The following PTPRD variants were observed in gnomAD, a reference collection of about 807,000 sequenced individuals.
The protein encoded by PTPRD is protein tyrosine phosphatase receptor type D.
PTPRD carries 34 observed loss-of-function variants against 214.5 expected under a neutral mutation model. That is an observed-to-expected ratio of 0.16 (90% CI 0.12 to 0.21). The LOEUF (loss-of-function observed/expected upper bound fraction) is 0.21, where lower values mean the gene tolerates loss of function less well. Ranked by LOEUF, PTPRD falls within the 10% of genes least tolerant of loss-of-function variation. The probability of loss-of-function intolerance (pLI) is 1.00; values close to 1 mark genes in which losing one functional copy is unlikely to be tolerated. For missense variants in PTPRD, 2,545 were observed against 2,398.7 expected (o/e 1.06, Z -1.27); for synonymous variants, 1,128 against 845.7 (o/e 1.33, Z -5.79).
At chr9:9,261,238 T>A (rs2099979981) in intron 9 of PTPRD, among the ~76,000 whole-genome samples, 1 of 151,898 alleles carries the variant, frequency 6.6e-6, no homozygotes, top group Admixed American at 6.6e-5. Context: ...AAATGAAGTG[T>A]CAACTTATCC....
chr9:9,522,303 G>C (rs531659603), intron 8 of PTPRD, among the ~76,000 whole-genome samples: 1 of 151,986 alleles, frequency 6.6e-6, no homozygotes, highest in South Asian at 2.1e-4. Context: ...ATTACCTAAA[G>C]GTAAAGTTTC....
chr9:9,989,045 A>AAC (rs2095822162), intron 4 of PTPRD, among the ~76,000 whole-genome samples: 2 of 148,288 alleles, frequency 1.3e-5, no homozygotes, highest in Non-Finnish European at 3.0e-5. Flanking sequence ...AAAAAAAAAA[A>AAC]CCACAGACTT....
At chr9:10,089,612 T>C (rs1438037656) in intron 3 of PTPRD, among the ~76,000 whole-genome samples, 1 of 151,622 alleles carries the variant, frequency 6.6e-6, no homozygotes, top group Non-Finnish European at 1.5e-5. Flanking sequence ...TACCTGCATA[T>C]TGCTAAAAGT....
chr9:10,546,317 A>C (rs2060164171), intron 2 of PTPRD, among the ~76,000 whole-genome samples: 6 of 151,954 alleles, frequency 3.9e-5, no homozygotes, highest in Admixed American at 3.9e-4. Context: ...CATTTTCCTC[A>C]TGTCTCCATG....
chr9:8,892,520 T>C (rs549514424), intron 11 of PTPRD, among the ~76,000 whole-genome samples: 2,403 of 151,138 alleles, frequency 0.016, 64 homozygotes, highest in African/African-American at 0.055. Context: ...TGAATATATA[T>C]ATATGTGTGT....
intron 11 of PTPRD, among the ~76,000 whole-genome samples, chr9:8,833,994 C>A (rs2097357861): frequency 1.3e-5 from 2 of 151,134 alleles, no homozygotes. Context: ...TAGTAGAATT[C>A]TAAATTTTTA....
rs117730019 is a variant in PTPRD, at chr9:8,616,069, G to A, written c.352+17248C>T. Among the ~76,000 whole-genome samples, 1,229 of 152,158 alleles carry A rather than the reference G, an allele frequency of 8.1e-3. 7 individuals are homozygous for A. The highest frequency in any genetic ancestry group is 0.013 in the Non-Finnish European group (868 of 67,986). On this transcript the variant is annotated intron_variant, in intron 14 of 45. Coordinates refer to ENST00000381196, the MANE Select transcript of PTPRD (RefSeq NM_002839.4). The stretch of plus-strand genomic sequence containing the variant: ...ATGAAAGTTTTTACATTTTATAAAG[G>A]AGAGTTAGCTAATCACTTTTAAAGT...
chr9:9,706,494 C>T (rs1024362380), intron 7 of PTPRD, among the ~76,000 whole-genome samples: 1 of 151,548 alleles, frequency 6.6e-6, no homozygotes, highest in South Asian at 2.1e-4. Context: ...GGCTGGAGTG[C>T]AATGACACAA....
At chr9:10,183,671 A>G (rs1031203102) in intron 3 of PTPRD, among the ~76,000 whole-genome samples, 2 of 152,202 alleles carry the variant, frequency 1.3e-5, no homozygotes, top group Non-Finnish European at 2.9e-5. Flanking sequence ...AAAGGAAAAG[A>G]GGAGAGATGA....
At chr9:8,505,856 T>C (rs1004407235) in intron 22 of PTPRD, among the ~76,000 whole-genome samples, 1 of 152,192 alleles carries the variant, frequency 6.6e-6, no homozygotes, top group African/African-American at 2.4e-5. Flanking sequence ...TGTATGTTTG[T>C]GTCTATGTAT....
At chr9:9,985,872 C>T (rs1019499551) in intron 4 of PTPRD, among the ~76,000 whole-genome samples, 5 of 151,970 alleles carry the variant, frequency 3.3e-5, no homozygotes, top group Admixed American at 2.0e-4. Context: ...CTCCTAAACA[C>T]TGGGTCAGAA....
chr9:9,086,468 A>G (rs1352929438), intron 10 of PTPRD, among the ~76,000 whole-genome samples: 2 of 152,148 alleles, frequency 1.3e-5, no homozygotes, highest in Admixed American at 1.3e-4. Flanking sequence ...CACCCTTTAT[A>G]TACTGATTTG....
intron 11 of PTPRD, among the ~76,000 whole-genome samples, chr9:9,012,882 T>C (rs2099517479): frequency 1.3e-5 from 2 of 152,286 alleles, no homozygotes; most frequent in Middle Eastern, 3.4e-3. Flanking sequence ...TTGTATTCAC[T>C]ATCTACTGGC....
At chr9:8,917,970 G>A (rs2098798436) in intron 11 of PTPRD, among the ~76,000 whole-genome samples, 1 of 152,166 alleles carries the variant, frequency 6.6e-6, no homozygotes, top group African/African-American at 2.4e-5. Context: ...AGGATGGGAG[G>A]TGTATTTTTA....
intron 14 of PTPRD, among the ~76,000 whole-genome samples, chr9:8,607,717 A>G (rs2095286434): frequency 6.6e-6 from 1 of 152,198 alleles, no homozygotes; most frequent in African/African-American, 2.4e-5. Context: ...GCCATTTGCA[A>G]TGGAGAATGA....
At chr9:8,365,850 C>A (rs1477111662) in intron 39 of PTPRD, among the ~76,000 whole-genome samples, 1 of 152,120 alleles carries the variant, frequency 6.6e-6, no homozygotes, top group African/African-American at 2.4e-5. Context: ...TTTGGCTTTC[C>A]CAGCCCTTCA....
intron 12 of PTPRD, among the ~76,000 whole-genome samples, chr9:8,679,319 G>A (rs1596748107): frequency 6.6e-6 from 1 of 152,248 alleles, no homozygotes; most frequent in Non-Finnish European, 1.5e-5. Context: ...TTAAATAACT[G>A]TTCTCCAAAT....
intron 3 of PTPRD, among the ~76,000 whole-genome samples, chr9:10,101,289 T>A (rs1176338174): frequency 6.6e-6 from 1 of 151,646 alleles, no homozygotes; most frequent in Non-Finnish European, 1.5e-5. Flanking sequence ...TTGATGTAGG[T>A]GTGAAATTTT....
Position 8,500,739 on chromosome 9 carries a change from G to A in PTPRD, c.2128+15C>T, listed in dbSNP as rs1435137512. On this transcript the variant is annotated intron_variant, in intron 24 of 45. Coordinates refer to ENST00000381196, the MANE Select transcript of PTPRD (RefSeq NM_002839.4). ...TGTCAGAAGGGTGCAAACTGACGTA[G>A]CGGAGGCAACATACCATCTTCATTG... is the stretch of plus-strand genomic sequence containing the variant. 2.5e-6 allele frequency: 4 copies of A among 1,612,870 alleles called. No individual in the cohort carries two copies. Among genetic ancestry groups the A allele is most frequent in the Non-Finnish European group, 3.4e-6 (4 of 1,179,186 alleles).
Sources: gnomAD v4.1 joint callset for allele counts (sites outside exome capture counted in the v4.1 genomes callset) on GRCh38, gnomAD v4.1.1 for gene constraint, MANE v1.5 for transcripts, NCBI Gene and HGNC (gene_info 2026-07-23, HGNC 2026-07-21) for gene names.